Variants in BICRAL observed in about 807,000 individuals in gnomAD.
BICRAL encodes the protein BICRA like chromatin remodeling complex associated protein.
In BICRAL, 8 loss-of-function variants were observed where a neutral mutation model predicts 91.8. The ratio of observed to expected loss-of-function variants is 0.09; its 90% CI spans 0.05 to 0.16. The LOEUF (loss-of-function observed/expected upper bound fraction) is 0.16, where lower values mean the gene tolerates loss of function less well. Among genes scored for constraint, BICRAL ranks in the 10% least tolerant of loss-of-function variants. The pLI, the probability that BICRAL is intolerant of heterozygous loss-of-function variation, is 1.00. For missense variants in BICRAL, 1,038 were observed against 1,310.9 expected, an observed-to-expected ratio of 0.79 and a Z score of 3.21; for synonymous variants, 445 against 491.1, an observed-to-expected ratio of 0.91 and a Z score of 1.24.
intron 5 of BICRAL, among the ~76,000 whole-genome samples, chr6:42,824,242 A>C (rs921722687): frequency 7.6e-6 from 1 of 131,186 alleles, no homozygotes; most frequent in Admixed American, 7.3e-5. Context: ...AAAAATAAAA[A>C]AAATAAAAAT....
intron 6 of BICRAL, among the ~76,000 whole-genome samples, chr6:42,845,184 G>GT (rs1764959279): frequency 3.0e-5 from 1 of 32,968 alleles, no homozygotes; most frequent in Non-Finnish European, 6.6e-5. Flanking sequence ...TCTGTTTTTT[G>GT]TTTTTTGGGT....
intron 6 of BICRAL, among the ~76,000 whole-genome samples, chr6:42,845,261 A>T (rs765467677): frequency 2.1e-5 from 2 of 95,534 alleles, no homozygotes; most frequent in East Asian, 3.7e-4. Flanking sequence ...ACAGAGTTTC[A>T]GTCGTCACCC....
At chr6:42,859,756 C>T (rs1765494542) in intron 10 of BICRAL, among the ~76,000 whole-genome samples, 1 of 152,032 alleles carries the variant, frequency 6.6e-6, no homozygotes. Context: ...ATTCTCCTGC[C>T]TCAGCCTCTC....
intron 1 of BICRAL, among the ~76,000 whole-genome samples, chr6:42,805,981 G>A (rs1469482554): frequency 1.4e-5 from 2 of 141,716 alleles, no homozygotes; most frequent in Non-Finnish European, 3.0e-5. Context: ...CAGTCTGGGT[G>A]ACAGAGTGAG....
chr6:42,763,017 G>C (rs1198880638), intron 1 of BICRAL, among the ~76,000 whole-genome samples: 1 of 152,078 alleles, frequency 6.6e-6, no homozygotes, highest in Non-Finnish European at 1.5e-5. Flanking sequence ...CTTACTGATA[G>C]AGCTAGTAAA....
intron 1 of BICRAL, among the ~76,000 whole-genome samples, chr6:42,753,193 C>G (rs1762407647): frequency 6.6e-6 from 1 of 152,062 alleles, no homozygotes; most frequent in Non-Finnish European, 1.5e-5. Flanking sequence ...TCCCAAGGTG[C>G]TAGGATTACA....
At chr6:42,801,249 TA>T (rs386406867) in intron 1 of BICRAL, among the ~76,000 whole-genome samples, 290 of 134,450 alleles carry the variant, frequency 2.2e-3, no homozygotes, top group Admixed American at 3.5e-3. Flanking sequence ...AGACTCTGTT[TA>T]AAAAAAAAAA....
intron 1 of BICRAL, among the ~76,000 whole-genome samples, chr6:42,754,686 G>A (rs1389498700): frequency 6.6e-6 from 1 of 152,216 alleles, no homozygotes; most frequent in African/African-American, 2.4e-5. Flanking sequence ...GAGGCTAAGA[G>A]TTTGAGACCA....
chr6:42,841,538 C>CT (rs1764799691), intron 6 of BICRAL, among the ~76,000 whole-genome samples: 1 of 152,114 alleles, frequency 6.6e-6, no homozygotes, highest in Admixed American at 6.6e-5. Context: ...CCCCTCCCTA[C>CT]TTCCCTATCC....
intron 1 of BICRAL, among the ~76,000 whole-genome samples, chr6:42,752,504 T>A (rs540339829): frequency 7.2e-5 from 11 of 152,198 alleles, no homozygotes; most frequent in Non-Finnish European, 1.5e-4. Flanking sequence ...TGGAGTGCAG[T>A]GGCATAATTA....
chr6:42,849,886 T>C (rs958306471), intron 6 of BICRAL, among the ~76,000 whole-genome samples: 13 of 151,862 alleles, frequency 8.6e-5, no homozygotes, highest in African/African-American at 3.1e-4. Flanking sequence ...ATCTCATCTC[T>C]ACCAAAAAAT....
Position 42,864,722 on chromosome 6 carries a change from T to G in BICRAL, c.2516T>G (p.Phe839Cys). The G allele has an allele frequency of 2.7e-5, 43 of 1,614,170 alleles. No individual in the cohort carries two copies. Among genetic ancestry groups the G allele is most frequent in the Non-Finnish European group, 3.6e-5 (42 of 1,180,014 alleles). Reference sequence around the variant, plus strand: ...GATAAAGCTGCTCATGAGACACAGTTTGGCCGGAGTGACCAGCATGGCAGT... The same window carrying G: ...GATAAAGCTGCTCATGAGACACAGTGTGGCCGGAGTGACCAGCATGGCAGT... ...KLDKAAHETQ[F>C]GRSDQHGSKA... The change falls in exon 13 of 13, where the codon TTT becomes TGT. Residue 839 changes from phenylalanine to cysteine, a missense_variant. Phe to Cys is a radical substitution (Grantham distance 205). Around this residue, in one of 5 missense-constraint regions of BICRAL, gnomAD observed 294 missense variants for 292.6 expected, o/e 1.00. Coordinates refer to ENST00000314073, the MANE Select transcript of BICRAL (RefSeq NM_001393499.1).
intron 2 of BICRAL, among the ~76,000 whole-genome samples, chr6:42,810,755 G>C (rs1763824364): frequency 6.6e-6 from 1 of 152,106 alleles, no homozygotes; most frequent in Non-Finnish European, 1.5e-5. Context: ...CCACCCCCTA[G>C]CATAGTACCT....
chr6:42,772,216 GT>G (rs1762748260), intron 1 of BICRAL, among the ~76,000 whole-genome samples: 1 of 140,440 alleles, frequency 7.1e-6, no homozygotes. Context: ...TCCATAGTAG[GT>G]TTAGATATTT....
intron 6 of BICRAL, among the ~76,000 whole-genome samples, chr6:42,830,844 T>G (rs1039257997): frequency 7.9e-5 from 12 of 152,208 alleles, no homozygotes; most frequent in African/African-American, 2.9e-4. Context: ...CTTGAACTCC[T>G]GGGCTCAAGA....
At chr6:42,858,566 C>G (rs965202028) in intron 10 of BICRAL, among the ~76,000 whole-genome samples, 7 of 150,702 alleles carry the variant, frequency 4.6e-5, no homozygotes, top group African/African-American at 1.2e-4. Flanking sequence ...ACCTGTAATC[C>G]CAGCACTTTG....
At chr6:42,828,100 G>C (rs550945913) in intron 5 of BICRAL, among the ~76,000 whole-genome samples, 2 of 152,244 alleles carry the variant, frequency 1.3e-5, no homozygotes, top group African/African-American at 4.8e-5. Context: ...GAAGCAGACT[G>C]TCATGCTTTA....
At position 42,864,977 on chromosome 6, in the gene BICRAL, G is replaced by A. The variant is rs140628632; in HGVS notation, c.2771G>A (p.Arg924Gln). ...YQSTSEEKAS[R>Q]REPLKASQCS... ...AGCACGTCTGAAGAGAAGGCCAGCC[G>A]GAGAGAGCCTCTGAAGGCCAGTCAG... The change falls in exon 13 of 13, where the codon CGG becomes CAG. Residue 924 changes from arginine (R) to glutamine (Q), a missense_variant. This residue lies in a region of BICRAL where 294 missense variants were observed against 292.6 expected (regional missense o/e 1.00). Coordinates refer to ENST00000314073, the MANE Select transcript of BICRAL (RefSeq NM_001393499.1). 1,590 of 1,614,092 alleles carry A rather than the reference G, an allele frequency of 9.9e-4. 30 individuals are homozygous for A. The Admixed American group carries it at 0.022, about 22-fold the overall frequency.
chr6:42,760,273 A>G (rs1377197350), intron 1 of BICRAL, among the ~76,000 whole-genome samples: 1 of 147,192 alleles, frequency 6.8e-6, no homozygotes, highest in Non-Finnish European at 1.5e-5. Context: ...AACAAAAAAA[A>G]ATTGGGAGGC....
Sources: gnomAD v4.1 joint callset for allele counts (sites outside exome capture counted in the v4.1 genomes callset) on GRCh38, gnomAD v4.1.1 for gene constraint, gnomAD v4.1.1 regional missense constraint, MANE v1.5 for transcripts, NCBI Gene and HGNC (gene_info 2026-07-23, HGNC 2026-07-21) for gene names.